SLIT2: variants seen among roughly 807,000 people sequenced by gnomAD.
The protein encoded by SLIT2 is slit homolog 2 protein.
Under a neutral mutation model 185.7 loss-of-function variants are expected in SLIT2, and 41 were observed. The observed-to-expected ratio is 0.22, with a 90% CI of 0.17 to 0.29. The LOEUF (loss-of-function observed/expected upper bound fraction) is 0.29, where lower values mean the gene tolerates loss of function less well. Among genes scored for constraint, SLIT2 ranks in the 10% least tolerant of loss-of-function variants. SLIT2 has a pLI of 1.00. For missense variants in SLIT2, 1,571 were observed against 1,909.0 expected (o/e 0.82, Z 3.30); for synonymous variants, 693 against 680.2 (o/e 1.02, Z -0.29).
chr4:20,570,970 C>T (rs1283951948), intron 29 of SLIT2, among the ~76,000 whole-genome samples: 1 of 151,544 alleles, frequency 6.6e-6, no homozygotes, highest in African/African-American at 2.4e-5. Context: ...TCCCCAGCTC[C>T]CTCCCTACAC....
At chr4:20,461,726 A>G (rs1013115939) in intron 4 of SLIT2, among the ~76,000 whole-genome samples, 9 of 152,214 alleles carry the variant, frequency 5.9e-5, no homozygotes, top group African/African-American at 1.9e-4. Flanking sequence ...TATGTCAGTG[A>G]GAACTCCAGA....
intron 4 of SLIT2, among the ~76,000 whole-genome samples, chr4:20,366,118 G>A (rs1723096903): frequency 6.6e-6 from 1 of 152,084 alleles, no homozygotes; most frequent in African/African-American, 2.4e-5. Flanking sequence ...GTTAACTCCT[G>A]TGCCTCTTGT....
chr4:20,352,993 A>G (rs1722011478), intron 4 of SLIT2, among the ~76,000 whole-genome samples: 1 of 152,224 alleles, frequency 6.6e-6, no homozygotes, highest in South Asian at 2.1e-4. Flanking sequence ...ACACCTTTAT[A>G]AAATCTGTTG....
intron 4 of SLIT2, among the ~76,000 whole-genome samples, chr4:20,344,627 A>G (rs1721232436): frequency 1.3e-5 from 2 of 152,124 alleles, no homozygotes; most frequent in Non-Finnish European, 1.5e-5. Context: ...TTCACACATG[A>G]TTTGTATCCT....
intron 4 of SLIT2, among the ~76,000 whole-genome samples, chr4:20,295,797 A>T (rs1450610257): frequency 6.6e-6 from 1 of 152,158 alleles, no homozygotes; most frequent in Non-Finnish European, 1.5e-5. Flanking sequence ...ATTGTAAGGG[A>T]ATCTATAATT....
At chr4:20,533,529 T>C (rs771401940) in intron 17 of SLIT2, 43 bp from the exon 18 acceptor site, 31 of 1,466,578 alleles carry the variant, frequency 2.1e-5, no homozygotes, top group Non-Finnish European at 2.7e-5. Context: ...TCCCACCTTG[T>C]TAGAAATTAT....
chr4:20,511,223 C>T (rs1162453174), intron 11 of SLIT2, 86 bp downstream of exon 11: 1 of 725,340 alleles, frequency 1.4e-6, no homozygotes, highest in South Asian at 1.7e-5. Flanking sequence ...AAAAAATGCT[C>T]TCAGGTTTTT....
At chr4:20,358,530 A>C (rs1404949720) in intron 4 of SLIT2, among the ~76,000 whole-genome samples, 1 of 152,162 alleles carries the variant, frequency 6.6e-6, no homozygotes, top group African/African-American at 2.4e-5. Flanking sequence ...ATTTTCAAGA[A>C]AAATATTAAG....
intron 4 of SLIT2, among the ~76,000 whole-genome samples, chr4:20,410,238 CTTTTCTTTT>C (rs1727119386): frequency 9.5e-6 from 1 of 105,268 alleles, no homozygotes; most frequent in African/African-American, 3.6e-5. Flanking sequence ...TCTTTTCTTT[CTTTTCTTTT>C]TTTTTTTTTT....
intron 4 of SLIT2, among the ~76,000 whole-genome samples, chr4:20,332,739 A>G (rs550596916): frequency 6.6e-6 from 1 of 152,236 alleles, no homozygotes; most frequent in South Asian, 2.1e-4. Flanking sequence ...TATTTGAATA[A>G]ATTATCCTCA....
At chr4:20,260,659 C>CT (rs1712354677) in intron 3 of SLIT2, among the ~76,000 whole-genome samples, 1 of 81,216 alleles carries the variant, frequency 1.2e-5, no homozygotes, top group Non-Finnish European at 2.5e-5. Context: ...AAGATCTGTA[C>CT]CTTTTAAAAA....
At chr4:20,534,001 C>T (rs1477559208) in intron 18 of SLIT2, among the ~76,000 whole-genome samples, 7 of 152,034 alleles carry the variant, frequency 4.6e-5, no homozygotes, top group African/African-American at 1.5e-4. Flanking sequence ...TTCCTGCCTT[C>T]GATGTGTTCA....
chr4:20,552,720 C>G (rs1181445375), intron 25 of SLIT2: 2 of 152,134 alleles, frequency 1.3e-5, no homozygotes, highest in African/African-American at 4.8e-5. Context: ...ACATATATTT[C>G]AGGGGCTACC....
chr4:20,470,225 A>G (rs570942112), intron 5 of SLIT2, among the ~76,000 whole-genome samples: 90 of 152,314 alleles, frequency 5.9e-4, no homozygotes, highest in Admixed American at 1.4e-3. Flanking sequence ...AAAATGCATC[A>G]TAAGGGGAGA....
chr4:20,532,549 AG>A, intron 17 of SLIT2, among the ~76,000 whole-genome samples: 1 of 152,204 alleles, frequency 6.6e-6, no homozygotes. Flanking sequence ...TAAGCTCAGC[AG>A]TTTCAGCAAC....
chr4:20,518,761 C>T (rs1320375277), intron 11 of SLIT2, among the ~76,000 whole-genome samples: 6 of 142,742 alleles, frequency 4.2e-5, no homozygotes, highest in East Asian at 2.1e-4. Flanking sequence ...CCCGCCACCA[C>T]GCCCGGCTAA....
rs771527472 is a variant in SLIT2 at position 20,619,043 on chromosome 4, T to C, written c.*34T>C. ...CCGGCAGCTCTGTCTTTGGAAAAGG[T>C]TGTATACTTCTTGACCGTGTGGGAC... On this transcript the variant is annotated 3_prime_UTR_variant, in exon 37 of 37. Transcript: ENST00000504154. 1.3e-6 allele frequency: 2 copies of C among 1,596,968 alleles called. No individual in the cohort carries two copies. Among genetic ancestry groups the C allele is most frequent in the South Asian group, 2.2e-5 (2 of 90,080 alleles).
At chr4:20,608,851 T>G (rs553346817) in intron 33 of SLIT2, among the ~76,000 whole-genome samples, 1 of 152,284 alleles carries the variant, frequency 6.6e-6, no homozygotes, top group East Asian at 1.9e-4. Context: ...GTATTAAGTA[T>G]TCACATTTAG....
chr4:20,303,336 T>A (rs1271108921), intron 4 of SLIT2, among the ~76,000 whole-genome samples: 1 of 152,206 alleles, frequency 6.6e-6, no homozygotes, highest in Non-Finnish European at 1.5e-5. Context: ...TATATTTATA[T>A]TTTACTTGTT....
Sources: gnomAD v4.1 joint callset for allele counts (sites outside exome capture counted in the v4.1 genomes callset) on GRCh38, gnomAD v4.1.1 for gene constraint, MANE v1.5 for transcripts, NCBI Gene and HGNC (gene_info 2026-07-23, HGNC 2026-07-21) for gene names.